Variants in INPP5A observed in about 807,000 individuals in gnomAD.
INPP5A encodes the protein 43 kDa inositol polyphosphate 5-phophatase.
In INPP5A, 14 loss-of-function variants were observed where a neutral mutation model predicts 65.2. The observed-to-expected ratio is 0.21, with a 90% CI of 0.14 to 0.34. INPP5A has a LOEUF of 0.34. INPP5A is among the 10% of genes least tolerant of loss of function. The pLI is 1.00. For synonymous variants in INPP5A, 207 were observed against 208.3 expected, an observed-to-expected ratio of 0.99 and a Z score of 0.05; for missense variants, 431 against 545.6, an observed-to-expected ratio of 0.79 and a Z score of 2.09.
At chr10:132,775,882 G>C (rs922931313) in intron 12 of INPP5A, among the ~76,000 whole-genome samples, 2 of 152,174 alleles carry the variant, frequency 1.3e-5, no homozygotes, top group African/African-American at 4.8e-5. Flanking sequence ...CAAGCTCCAT[G>C]GGGTGCATGA....
chr10:132,737,767 C>G (rs940987669), intron 9 of INPP5A, among the ~76,000 whole-genome samples: 1 of 152,220 alleles, frequency 6.6e-6, no homozygotes, highest in Non-Finnish European at 1.5e-5. Flanking sequence ...AACAGAAGCA[C>G]TGATTTAAAT....
In INPP5A at chr10:132,627,513, G is replaced by T. The variant is rs2072201886; in HGVS notation, c.118-18355G>T. Among the ~76,000 whole-genome samples the T allele has an allele frequency of 6.6e-6, 1 of 152,216 alleles. No individual in the cohort carries two copies. Among genetic ancestry groups the T allele is most frequent in the Non-Finnish European group, 1.5e-5 (1 of 68,040 alleles). On this transcript the variant is annotated intron_variant, in intron 2 of 15. Coordinates refer to ENST00000368594, the MANE Select transcript of INPP5A (RefSeq NM_005539.5). This position sits in a 1 kb window ranked among gnomAD's most constrained non-coding sequence, Gnocchi z 6.6. ...CCAGCAGCGTCCCTGCCAGAAGTGG[G>T]TGCTTTGAGGGCCAGTGCCTGGTCT...
intron 1 of INPP5A, among the ~76,000 whole-genome samples, chr10:132,606,390 C>T (rs952873310): frequency 2.0e-5 from 3 of 152,116 alleles, no homozygotes; most frequent in African/African-American, 4.8e-5. Flanking sequence ...GGGGCGGTTG[C>T]GTGCGTCCCA....
At chr10:132,717,676 C>G (rs1489054230) in intron 8 of INPP5A, among the ~76,000 whole-genome samples, 1 of 149,850 alleles carries the variant, frequency 6.7e-6, no homozygotes, top group Non-Finnish European at 1.5e-5. Flanking sequence ...GTCTGGGCGC[C>G]TTAGACGGCT....
intron 2 of INPP5A, among the ~76,000 whole-genome samples, chr10:132,618,485 T>G (rs1021969168): frequency 6.6e-6 from 1 of 152,222 alleles, no homozygotes; most frequent in Non-Finnish European, 1.5e-5. Context: ...GCACTCTCAT[T>G]ATTGCTCATT....
chr10:132,563,967 A>G lies in INPP5A; in HGVS notation c.75+25796A>G, dbSNP rs142343848. ...AGCGGGAGCAAAGTCGTCCTGGTTC[A>G]TACCTGAACCGAGAGGCCCGGCCGC... On this transcript the variant is annotated intron_variant, in intron 1 of 15. Transcript: ENST00000368594. Among the ~76,000 whole-genome samples the G allele has an allele frequency of 9.2e-5, 14 of 152,252 alleles. 1 individual carries two copies. The East Asian group carries it at 2.7e-3, about 29-fold the overall frequency.
rs778449271 is a variant in INPP5A, at chr10:132,651,920, C to CA, written c.306+1416dup. On this transcript the variant is annotated intron_variant, in intron 4 of 15. Transcript: ENST00000368594. The surrounding 1 kb of genome is among the most constrained non-coding windows in gnomAD (Gnocchi z 5.0). ...TGCCCACACACAAGCGGCCTCTCCT[C>CA]ACGCTCTGTGGGGCACACGGGGACC... is the stretch of plus-strand genomic sequence containing the variant. 5.3e-5 allele frequency among the ~76,000 whole-genome samples: 8 copies of CA among 152,200 alleles called. No homozygotes were observed. Among genetic ancestry groups the CA allele is most frequent in the South Asian group, 2.1e-4 (1 of 4,836 alleles).
At chr10:132,740,469 G>T (rs1395737639) in intron 9 of INPP5A, among the ~76,000 whole-genome samples, 1 of 152,152 alleles carries the variant, frequency 6.6e-6, no homozygotes, top group Non-Finnish European at 1.5e-5. Context: ...ACCATGACTA[G>T]AAGAATTATT....
chr10:132,673,442 C>T (rs1590914573), intron 4 of INPP5A, among the ~76,000 whole-genome samples: 1 of 152,206 alleles, frequency 6.6e-6, no homozygotes, highest in Non-Finnish European at 1.5e-5. Flanking sequence ...TCAGAGCATC[C>T]ATGGCCCTCT....
At chr10:132,761,728 C>A (rs1455637656) in intron 11 of INPP5A, among the ~76,000 whole-genome samples, 1 of 152,116 alleles carries the variant, frequency 6.6e-6, no homozygotes, top group Non-Finnish European at 1.5e-5. Context: ...ATTGTCACAA[C>A]TAAAAAAATT....
At chr10:132,601,266 TC>T (rs2071773828) in intron 1 of INPP5A, among the ~76,000 whole-genome samples, 1 of 152,268 alleles carries the variant, frequency 6.6e-6, no homozygotes, top group Non-Finnish European at 1.5e-5. Context: ...ATAATGAACA[TC>T]CTTTCATGTG....
At chr10:132,780,687 G>T (rs1178069568) in intron 13 of INPP5A, among the ~76,000 whole-genome samples, 162 bp from the exon 14 acceptor site, 1 of 152,362 alleles carries the variant, frequency 6.6e-6, no homozygotes. Flanking sequence ...TCTCTCTCAG[G>T]GGCCAGGCAG....
intron 2 of INPP5A, among the ~76,000 whole-genome samples, chr10:132,608,212 C>CCG (rs1279109795): frequency 6.6e-6 from 1 of 152,230 alleles, no homozygotes; most frequent in Admixed American, 6.5e-5. Flanking sequence ...TCCCCGCTCC[C>CCG]CGCGGGGTTC....
intron 11 of INPP5A, among the ~76,000 whole-genome samples, chr10:132,758,867 C>T (rs1336891252): frequency 6.6e-6 from 1 of 152,198 alleles, no homozygotes; most frequent in Non-Finnish European, 1.5e-5. Flanking sequence ...CGGTGTCCGG[C>T]GGCCCTGTCT....
Position 132,631,760 on chromosome 10 carries a change from T to C in INPP5A, c.118-14108T>C, listed in dbSNP as rs1006350036. Among the ~76,000 whole-genome samples, 21 of 152,384 alleles carry C rather than the reference T, an allele frequency of 1.4e-4. No individual in the cohort carries two copies. The Middle Eastern group carries it at 0.014, about 99-fold the overall frequency. ...TTGTTTGGCTGGTGAACGTGCTTTT[T>C]CTTGCCATGCCTTTCCAAGATATTT... is the stretch of plus-strand genomic sequence containing the variant. On this transcript the variant is annotated intron_variant, in intron 2 of 15. Transcript: ENST00000368594.
intron 4 of INPP5A, among the ~76,000 whole-genome samples, chr10:132,662,475 A>C (rs149200458): frequency 0.018 from 2,817 of 152,326 alleles, 92 homozygotes; most frequent in African/African-American, 0.063. Context: ...TATGGTGGGC[A>C]AAAGAATCCA....
rs1430261401 is a variant in INPP5A, at chr10:132,610,891, A to G, written c.117+2935A>G. On this transcript the variant is annotated intron_variant, in intron 2 of 15. Transcript: ENST00000368594. ...CGCTTGGAGAACAGCTGAGGCCTGAACAGGAAAAAACATCTGGAAAGGGGT... is the reference window on the plus strand; with the variant it reads ...CGCTTGGAGAACAGCTGAGGCCTGAGCAGGAAAAAACATCTGGAAAGGGGT... 2.6e-5 allele frequency among the ~76,000 whole-genome samples: 4 copies of G among 152,252 alleles called. No individual in the cohort carries two copies. The East Asian group carries it at 7.7e-4, about 29-fold the overall frequency.
intron 5 of INPP5A, among the ~76,000 whole-genome samples, chr10:132,693,553 A>C (rs888318111): frequency 1.3e-5 from 2 of 152,242 alleles, no homozygotes; most frequent in African/African-American, 4.8e-5. Flanking sequence ...AATTTATAGC[A>C]TCAAATACAT....
intron 4 of INPP5A, among the ~76,000 whole-genome samples, chr10:132,672,630 T>C (rs2072906632): frequency 6.6e-6 from 1 of 152,244 alleles, no homozygotes; most frequent in Non-Finnish European, 1.5e-5. Flanking sequence ...TAAACCTCTT[T>C]CTTTTGTAAA....
Sources: allele counts gnomAD v4.1 joint callset (sites outside exome capture counted in the v4.1 genomes callset), GRCh38; gene constraint gnomAD v4.1.1; non-coding constraint Gnocchi (gnomAD v3.1); transcripts MANE v1.5; gene names NCBI Gene and HGNC (gene_info 2026-07-23, HGNC 2026-07-21).